The following ITFG1 variants were observed in gnomAD, a reference collection of about 807,000 sequenced individuals.
ITFG1 encodes T-cell immunomodulatory protein.
A neutral mutation model predicts 81.8 loss-of-function variants in ITFG1; 34 were observed. The observed-to-expected ratio is 0.42, with a 90% confidence interval of 0.32 to 0.55. ITFG1 has a LOEUF of 0.55. Ranked by LOEUF, ITFG1 falls within the 20% of genes least tolerant of loss-of-function variation. ITFG1 has a pLI of 0.17. For missense variants in ITFG1, 672 were observed against 755.4 expected (o/e 0.89, Z 1.29); for synonymous variants, 285 against 270.6 (o/e 1.05, Z -0.52).
chr16:47,288,014 A>G (rs534648997), intron 10 of ITFG1, among the ~76,000 whole-genome samples: 4 of 152,306 alleles, frequency 2.6e-5, no homozygotes, highest in African/African-American at 9.6e-5. Context: ...TCCTAGTTGC[A>G]TCCTGTAGAC....
intron 7 of ITFG1, among the ~76,000 whole-genome samples, chr16:47,372,169 T>C (rs932512213): frequency 7.2e-5 from 11 of 152,182 alleles, no homozygotes; most frequent in Non-Finnish European, 1.5e-4. Context: ...CCACGACACT[T>C]ACCTACTTTC....
At chr16:47,264,683 A>C (rs888402401) in intron 10 of ITFG1, among the ~76,000 whole-genome samples, 4 of 152,120 alleles carry the variant, frequency 2.6e-5, no homozygotes, top group Admixed American at 2.0e-4. Flanking sequence ...TTTAAATGAC[A>C]ACAGTTAAAC....
intron 8 of ITFG1, among the ~76,000 whole-genome samples, chr16:47,315,778 T>TATATATATATATATATATATATATACAC (rs1303718198): frequency 1.8e-4 from 27 of 151,220 alleles, no homozygotes; most frequent in African/African-American, 6.6e-4. Context: ...CATATATATA[T>TATATATATATATATATATATATATACAC]ACACATATAT....
chr16:47,371,717 G>C (rs1968256071), intron 7 of ITFG1, among the ~76,000 whole-genome samples: 1 of 152,112 alleles, frequency 6.6e-6, no homozygotes, highest in South Asian at 2.1e-4. Context: ...GGCAATGTCT[G>C]CAGACATTTT....
At chr16:47,225,035 A>G (rs1463537446) in intron 13 of ITFG1, among the ~76,000 whole-genome samples, 1 of 152,186 alleles carries the variant, frequency 6.6e-6, no homozygotes, top group Non-Finnish European at 1.5e-5. Flanking sequence ...AAGGAAAGGA[A>G]ATCATGTCTA....
intron 14 of ITFG1, among the ~76,000 whole-genome samples, chr16:47,170,575 A>C (rs1229623532): frequency 6.6e-6 from 1 of 151,692 alleles, no homozygotes; most frequent in African/African-American, 2.4e-5. Context: ...GATTACAGGC[A>C]TGCATCACCA....
chr16:47,445,860 CCT>C (rs1324992450), intron 5 of ITFG1, among the ~76,000 whole-genome samples: 4 of 152,094 alleles, frequency 2.6e-5, no homozygotes, highest in Non-Finnish European at 4.4e-5. Flanking sequence ...CCAAAGGCCC[CCT>C]GTGACTTGTA....
At position 47,442,325 on chromosome 16, in the gene ITFG1, G is replaced by A. The variant is rs575574272; in HGVS notation, c.560+9071C>T. ...TGACTTTTTTCAGAGAATTGGAAAA[G>A]ACTACTTTAAAGTTCATATGGAACC... On this transcript the variant is annotated intron_variant, in intron 5 of 17. Coordinates refer to ENST00000320640, the MANE Select transcript of ITFG1 (RefSeq NM_030790.5). Among the ~76,000 whole-genome samples the A allele has an allele frequency of 3.0e-4, 46 of 152,078 alleles. 1 individual carries two copies. The highest frequency in any genetic ancestry group is 1.2e-4 in the Non-Finnish European group (8 of 67,974).
chr16:47,186,457 T>C (rs1317049231), intron 14 of ITFG1, among the ~76,000 whole-genome samples: 2 of 152,132 alleles, frequency 1.3e-5, no homozygotes, highest in African/African-American at 4.8e-5. Flanking sequence ...TGGTTCAATA[T>C]ACGCAAATCA....
At chr16:47,186,557 A>G (rs1965220433) in intron 14 of ITFG1, among the ~76,000 whole-genome samples, 1 of 152,254 alleles carries the variant, frequency 6.6e-6, no homozygotes, top group African/African-American at 2.4e-5. Flanking sequence ...ACAAAATTCA[A>G]CAGCCCTTCA....
rs76775633 is a variant in ITFG1, at chr16:47,197,112, A to G, written c.1453+21756T>C. Among the ~76,000 whole-genome samples, 192 of 152,326 alleles carry G rather than the reference A, an allele frequency of 1.3e-3. 4 individuals carry two copies. In the East Asian group the frequency reaches 0.033, roughly 26 times the overall value. On this transcript the variant is annotated intron_variant, in intron 14 of 17. Transcript: ENST00000320640. ...CAAAATATTGATATATTTCTTTAAC[A>G]TATTTTGAAATGGCCATGCAAAGCT...
intron 13 of ITFG1, among the ~76,000 whole-genome samples, chr16:47,228,489 C>A (rs530512026): frequency 1.3e-5 from 2 of 152,064 alleles, no homozygotes; most frequent in South Asian, 2.1e-4. Flanking sequence ...CCTGAGTACC[C>A]GGGATTACAG....
At chr16:47,441,191 C>G (rs1377650258) in intron 5 of ITFG1, among the ~76,000 whole-genome samples, 2 of 152,284 alleles carry the variant, frequency 1.3e-5, no homozygotes, top group Non-Finnish European at 2.9e-5. Flanking sequence ...TAATTAACAG[C>G]TTACCAACCA....
At chr16:47,342,540 CA>C (rs1567467173) in intron 8 of ITFG1, among the ~76,000 whole-genome samples, 1 of 151,876 alleles carries the variant, frequency 6.6e-6, no homozygotes, top group African/African-American at 2.4e-5. Context: ...ATAAAAATTG[CA>C]AAGAAAGAAA....
At chr16:47,408,647 G>A (rs1567489821) in intron 6 of ITFG1, among the ~76,000 whole-genome samples, 1 of 152,154 alleles carries the variant, frequency 6.6e-6, no homozygotes, top group Non-Finnish European at 1.5e-5. Flanking sequence ...GCAAAAACAG[G>A]CGTGGTGCTC....
intron 8 of ITFG1, among the ~76,000 whole-genome samples, chr16:47,355,059 T>C (rs1968019696): frequency 6.6e-6 from 1 of 152,040 alleles, no homozygotes; most frequent in Admixed American, 6.5e-5. Context: ...CTAAAGGAAA[T>C]GAAATCAGTA....
At chr16:47,162,464 A>G in intron 15 of ITFG1, 76 bp downstream of exon 15, 4 of 1,223,974 alleles carry the variant, frequency 3.3e-6, no homozygotes, top group Non-Finnish European at 2.2e-6. Context: ...ATTAGGTTCA[A>G]ATTATTTAAT....
chr16:47,264,774 A>G (rs1253733713), intron 10 of ITFG1, among the ~76,000 whole-genome samples: 2 of 152,186 alleles, frequency 1.3e-5, no homozygotes, highest in Non-Finnish European at 2.9e-5. Flanking sequence ...CGGTATTAGT[A>G]ACATTGCTTC....
chr16:47,271,949 AT>A lies in ITFG1; in HGVS notation c.1071-11255del, dbSNP rs1346956818. Among the ~76,000 whole-genome samples the A allele has an allele frequency of 2.0e-5, 3 of 152,340 alleles. No homozygotes were observed. The East Asian group carries it at 5.8e-4, about 29-fold the overall frequency. On this transcript the variant is annotated intron_variant, in intron 10 of 17. Transcript: ENST00000320640. ...TCAAGAGAAATGAAAACATGTCTAC[AT>A]AAAAACTTGCATATGAATGTTCACA...
Sources: gnomAD v4.1 joint callset for allele counts (sites outside exome capture counted in the v4.1 genomes callset) on GRCh38, gnomAD v4.1.1 for gene constraint, MANE v1.5 for transcripts, NCBI Gene and HGNC (gene_info 2026-07-23, HGNC 2026-07-21) for gene names.